DTNA: variants seen among roughly 807,000 people sequenced by gnomAD.
DTNA encodes dystrobrevin alpha.
DTNA carries 43 observed loss-of-function variants against 100.7 expected under a neutral mutation model. That is an observed-to-expected ratio of 0.43 (90% CI 0.33 to 0.55). DTNA has a LOEUF of 0.55. Ranked by LOEUF, DTNA falls within the 20% of genes least tolerant of loss-of-function variation. The pLI is 0.04. For synonymous variants in DTNA, 349 were observed against 347.9 expected (o/e 1.00, Z -0.04); for missense variants, 798 against 953.9 (o/e 0.84, Z 2.15).
chr18:34,789,392 T>C (rs1285826944), intron 3 of DTNA, among the ~76,000 whole-genome samples: 2 of 152,260 alleles, frequency 1.3e-5, no homozygotes, highest in East Asian at 3.8e-4. Context: ...CATGTCTTCA[T>C]ACTCAGCATA....
At chr18:34,730,330 G>C (rs2087789415) in intron 1 of DTNA, among the ~76,000 whole-genome samples, 1 of 152,232 alleles carries the variant, frequency 6.6e-6, no homozygotes, top group African/African-American at 2.4e-5. Flanking sequence ...TTCCATGCAT[G>C]AGGTAATGTA....
intron 16 of DTNA, among the ~76,000 whole-genome samples, chr18:34,863,650 T>C (rs554766841): frequency 2.5e-4 from 38 of 152,346 alleles, no homozygotes; most frequent in African/African-American, 8.2e-4. Flanking sequence ...AGGGACCCCA[T>C]AGCACATCAC....
chr18:34,881,637 G>A (rs913605927), intron 20 of DTNA, among the ~76,000 whole-genome samples: 1 of 151,834 alleles, frequency 6.6e-6, no homozygotes, highest in African/African-American at 2.4e-5. Flanking sequence ...ATAACCAAAT[G>A]TCCTTAAGCA....
intron 17 of DTNA, chr18:34,866,388 A>G: frequency 7.3e-7 from 1 of 1,366,910 alleles, no homozygotes; most frequent in Non-Finnish European, 9.4e-7. Context: ...ATTGTCATTT[A>G]TTGGAAACAT....
intron 1 of DTNA, among the ~76,000 whole-genome samples, chr18:34,723,951 T>G (rs927784540): frequency 6.6e-5 from 10 of 152,068 alleles, no homozygotes; most frequent in Non-Finnish European, 1.3e-4. Context: ...ATATTAAACT[T>G]CACTCTTAAT....
chr18:34,816,054 A>T, intron 7 of DTNA, 40 bp downstream of exon 7: 1 of 1,585,382 alleles, frequency 6.3e-7, no homozygotes, highest in Non-Finnish European at 8.7e-7. Flanking sequence ...TTTTTAAATT[A>T]TTGAAATTAG....
intron 3 of DTNA, among the ~76,000 whole-genome samples, chr18:34,776,151 C>T (rs1295771680): frequency 1.3e-5 from 2 of 152,130 alleles, no homozygotes; most frequent in African/African-American, 4.8e-5. Context: ...TTACCGAAAA[C>T]TTTTCCCTTA....
intron 1 of DTNA, among the ~76,000 whole-genome samples, chr18:34,572,756 T>G (rs2047717027): frequency 6.6e-6 from 1 of 152,180 alleles, no homozygotes; most frequent in Admixed American, 6.5e-5. Flanking sequence ...CTCCCACACC[T>G]GCTGTATTTA....
At chr18:34,598,893 C>A (rs984471273) in intron 1 of DTNA, among the ~76,000 whole-genome samples, 5 of 151,870 alleles carry the variant, frequency 3.3e-5, no homozygotes, top group African/African-American at 1.2e-4. Flanking sequence ...CCTTGAAGTG[C>A]AATTTGAATA....
At chr18:34,665,319 T>C (rs1040274324) in intron 1 of DTNA, among the ~76,000 whole-genome samples, 1 of 152,172 alleles carries the variant, frequency 6.6e-6, no homozygotes, top group Non-Finnish European at 1.5e-5. Flanking sequence ...TAAGAATTTG[T>C]CAATGAAATT....
At chr18:34,794,792 C>T (rs2094899430) in intron 4 of DTNA, among the ~76,000 whole-genome samples, 1 of 152,148 alleles carries the variant, frequency 6.6e-6, no homozygotes, top group Admixed American at 6.6e-5. Context: ...ACAACTGAAG[C>T]TCAGCTTCAT....
intron 1 of DTNA, among the ~76,000 whole-genome samples, chr18:34,502,925 TAGTTTTCCTATTA>T (rs1458283062): frequency 1.3e-5 from 2 of 152,186 alleles, no homozygotes; most frequent in Non-Finnish European, 2.9e-5. Flanking sequence ...ATTTTCTGTC[TAGTTTTCCTATTA>T]ATGAAAAAGT....
chr18:34,883,677 A>C (rs1295229884), intron 21 of DTNA, among the ~76,000 whole-genome samples: 2 of 152,222 alleles, frequency 1.3e-5, no homozygotes, highest in African/African-American at 4.8e-5. Flanking sequence ...GGAAGCAGAG[A>C]GAAGAAATTA....
intron 9 of DTNA, among the ~76,000 whole-genome samples, chr18:34,826,533 A>C (rs567698411): frequency 1.2e-4 from 19 of 152,312 alleles, no homozygotes; most frequent in Non-Finnish European, 2.2e-4. Context: ...CTGTTCTCTA[A>C]GGTAAAAATT....
chr18:34,737,217 T>C lies in DTNA; in HGVS notation c.-1-18759T>C, dbSNP rs191682632. 2.5e-3 allele frequency among the ~76,000 whole-genome samples: 388 copies of C among 152,324 alleles called. 1 individual carries two copies. Among genetic ancestry groups the C allele is most frequent in the Non-Finnish European group, 4.5e-3 (303 of 68,024 alleles). On this transcript the variant is annotated intron_variant, in intron 1 of 22. Transcript: ENST00000444659. ...CAAAGGAAGAACTAGCTAATATGTA[T>C]TAAGGAAATTGAGGCAAGCTGTACC...
chr18:34,575,178 C>T (rs758308025), intron 1 of DTNA, among the ~76,000 whole-genome samples: 72 of 152,144 alleles, frequency 4.7e-4, no homozygotes, highest in Non-Finnish European at 8.2e-4. Context: ...TTCCATCACT[C>T]GTTTCTTGTC....
Position 34,609,092 on chromosome 18 carries a change from A to G in DTNA, c.-2+115578A>G, listed in dbSNP as rs145993423. Among the ~76,000 whole-genome samples, 8 of 152,332 alleles carry G rather than the reference A, an allele frequency of 5.3e-5. No individual in the cohort carries two copies. The East Asian group carries it at 1.5e-3, about 29-fold the overall frequency. On this transcript the variant is annotated intron_variant, in intron 1 of 19. Transcript: ENST00000283365. Reference sequence around the variant, plus strand: ...ACATTTGTGCTAAATGCTACTTGCTATCTTCAGAATAAGGAGCTAAGCCCA... The same window carrying G: ...ACATTTGTGCTAAATGCTACTTGCTGTCTTCAGAATAAGGAGCTAAGCCCA...
At chr18:34,852,770 G>T (rs1463936240) in intron 15 of DTNA, among the ~76,000 whole-genome samples, 1 of 152,038 alleles carries the variant, frequency 6.6e-6, no homozygotes. Context: ...TGTGTGGATG[G>T]CTCCTTCTCA....
At chr18:34,580,594 A>G (rs1567946242) in intron 1 of DTNA, among the ~76,000 whole-genome samples, 1 of 152,174 alleles carries the variant, frequency 6.6e-6, no homozygotes, top group Non-Finnish European at 1.5e-5. Flanking sequence ...ATAGAAATTT[A>G]TCTTTAGGAA....
Sources: gnomAD v4.1 joint callset for allele counts (sites outside exome capture counted in the v4.1 genomes callset) on GRCh38, gnomAD v4.1.1 for gene constraint, MANE v1.5 for transcripts, NCBI Gene and HGNC (gene_info 2026-07-23, HGNC 2026-07-21) for gene names.